Variants in ALDH7A1 observed in about 807,000 individuals in gnomAD.
ALDH7A1 encodes alpha-aminoadipic semialdehyde dehydrogenase.
A neutral mutation model predicts 79.9 loss-of-function variants in ALDH7A1; 63 were observed. The observed-to-expected ratio is 0.79, with a 90% CI of 0.64 to 0.97. ALDH7A1 has a LOEUF of 0.97. Among genes scored for constraint, ALDH7A1 ranks in the 50% least tolerant of loss-of-function variants. The pLI is 0.00. For missense variants in ALDH7A1, 627 were observed against 665.2 expected (o/e 0.94, Z 0.63); for synonymous variants, 240 against 231.2 (o/e 1.04, Z -0.34).
intron 1 of ALDH7A1, chr5:126,594,207 C>G (rs1454341686): frequency 4.2e-6 from 2 of 471,074 alleles, no homozygotes; most frequent in South Asian, 1.5e-5. Flanking sequence ...ATCCAGTCCT[C>G]AAAGGAGTTC....
chr5:126,546,269 A>C, intron 17 of ALDH7A1, 55 bp downstream of exon 17: 1 of 1,497,328 alleles, frequency 6.7e-7, no homozygotes, highest in South Asian at 1.1e-5. Flanking sequence ...AAAGTGTAAA[A>C]GCCCATTCCC....
At chr5:126,591,085 A>C (rs1457911762) in intron 3 of ALDH7A1, among the ~76,000 whole-genome samples, 1 of 152,148 alleles carries the variant, frequency 6.6e-6, no homozygotes, top group Non-Finnish European at 1.5e-5. Flanking sequence ...TAAGGGGACT[A>C]AATTTGTTTA....
Position 126,595,204 on chromosome 5 carries a change from G to A in ALDH7A1, c.-6C>T. ...GCGCGAGGAAGGCGCCACATACTGAGCCCGGGACTCGGGATGAGCCCAAGG... is the reference window on the plus strand; with the variant it reads ...GCGCGAGGAAGGCGCCACATACTGAACCCGGGACTCGGGATGAGCCCAAGG... On this transcript the variant is annotated 5_prime_UTR_variant, in exon 1 of 18. Transcript: ENST00000409134. 7 of 1,551,834 alleles carry A rather than the reference G, an allele frequency of 4.5e-6. No individual in the cohort carries two copies. Among genetic ancestry groups the A allele is most frequent in the Non-Finnish European group, 6.1e-6 (7 of 1,147,046 alleles).
Position 126,555,661 on chromosome 5 carries a change from C to T in ALDH7A1, c.1093+270G>A, listed in dbSNP as rs77057701. Among the ~76,000 whole-genome samples, 774 of 152,124 alleles carry T rather than the reference C, an allele frequency of 5.1e-3. 10 individuals are homozygous for T. The highest frequency in any genetic ancestry group is 0.021 in the South Asian group (102 of 4,812). On this transcript the variant is annotated intron_variant, in intron 12 of 17. Coordinates refer to ENST00000409134, the MANE Select transcript of ALDH7A1 (RefSeq NM_001182.5). Reference sequence around the variant, plus strand: ...CAGCCTTGCACAAGAGGGATGGTGTCGGCTTGGACAAGGGTAATAGTAATG... The same window carrying T: ...CAGCCTTGCACAAGAGGGATGGTGTTGGCTTGGACAAGGGTAATAGTAATG...
In ALDH7A1 at chr5:126,542,182, T is replaced by C. The variant is rs148309568; in HGVS notation, c.*2783A>G. 5.1e-4 allele frequency: 73 copies of C among 142,920 alleles called. No individual in the cohort carries two copies. The highest frequency in any genetic ancestry group is 1.8e-3 in the African/African-American group (70 of 38,980). 8.9% of individuals were successfully genotyped at this position (142,920 alleles called of 1,614,324 possible). On this transcript the variant is annotated 3_prime_UTR_variant, in exon 18 of 18. Transcript: ENST00000409134. ...AAAAAAAAAAGTTTGTTGGAGACCA[T>C]AGGAATTTCATAAAAATATTGAAAC... is the stretch of plus-strand genomic sequence containing the variant.
intron 3 of ALDH7A1, chr5:126,588,973 G>T (rs4836278): frequency 0.099 from 15,069 of 152,144 alleles, 1,015 homozygotes; most frequent in East Asian, 0.32. Context: ...AGCCCAGGAG[G>T]TCAAAGCTGC....
intron 6 of ALDH7A1, 75 bp downstream of exon 6, chr5:126,577,004 G>C: frequency 6.3e-7 from 1 of 1,587,462 alleles, no homozygotes; most frequent in Non-Finnish European, 8.6e-7. Flanking sequence ...AGTTACTGAA[G>C]AGGCTGAGGT....
At position 126,542,040 on chromosome 5, in the gene ALDH7A1, GA is replaced by G. The variant is rs1338220852; in HGVS notation, c.*2924del. On this transcript the variant is annotated 3_prime_UTR_variant, in exon 18 of 18. Transcript: ENST00000409134. ...GAATCCTATATTCAATCAATATGGG[GA>G]TAAAGTTCTTCCCCTTGGATAGGAG... 1 of 150,586 alleles carries G rather than the reference GA, an allele frequency of 6.6e-6. No individual in the cohort carries two copies. Among genetic ancestry groups the G allele is most frequent in the Non-Finnish European group, 1.5e-5 (1 of 67,846 alleles). 9.3% of individuals were successfully genotyped at this position (150,586 alleles called of 1,614,324 possible).
intron 5 of ALDH7A1, chr5:126,582,025 C>A: frequency 2.5e-6 from 1 of 397,674 alleles, no homozygotes; most frequent in South Asian, 1.3e-4. Context: ...TGTACGTGCT[C>A]TAAAAAGATA....
At chr5:126,580,339 C>G (rs374379824) in intron 5 of ALDH7A1, among the ~76,000 whole-genome samples, 4 of 152,082 alleles carry the variant, frequency 2.6e-5, no homozygotes, top group African/African-American at 9.6e-5. Flanking sequence ...TTAAGTGATC[C>G]GCCCACCTCT....
intron 11 of ALDH7A1, among the ~76,000 whole-genome samples, chr5:126,557,918 A>G (rs1018931262): frequency 5.3e-5 from 8 of 152,072 alleles, no homozygotes; most frequent in Admixed American, 2.0e-4. Context: ...CTGTAATCCC[A>G]GCACTTTGCA....
chr5:126,568,567 A>G (rs949562109), intron 8 of ALDH7A1: 16 of 567,554 alleles, frequency 2.8e-5, no homozygotes, highest in Non-Finnish European at 5.1e-5. Context: ...ACCTGCTGTG[A>G]GCATTTGAAT....
At position 126,559,237 on chromosome 5, in the gene ALDH7A1, C is replaced by T. The variant is rs1274408006; in HGVS notation, c.1008+3G>A. On this transcript the variant is annotated splice_donor_region_variant and intron_variant, in intron 11 of 17. Coordinates refer to ENST00000409134, the MANE Select transcript of ALDH7A1 (RefSeq NM_001182.5). The stretch of plus-strand genomic sequence containing the variant: ...ACAATCGGGCCTATGCAGATATACT[C>T]ACCAGTCGCCTCGCAGTGGTACACC... 3 of 1,613,098 alleles carry T rather than the reference C, an allele frequency of 1.9e-6. No homozygotes were observed. Among genetic ancestry groups the T allele is most frequent in the Non-Finnish European group, 2.5e-6 (3 of 1,179,252 alleles).
At chr5:126,551,975 TATC>T (rs766138477) in intron 14 of ALDH7A1, 43 bp downstream of exon 14, 24 of 1,430,802 alleles carry the variant, frequency 1.7e-5, no homozygotes, top group Non-Finnish European at 1.5e-5. Context: ...ATTTTCCTCT[TATC>T]ATTTATTTCA....
At chr5:126,589,960 T>C (rs1282300354) in intron 3 of ALDH7A1, among the ~76,000 whole-genome samples, 10 of 99,352 alleles carry the variant, frequency 1.0e-4, no homozygotes, top group Middle Eastern at 0.011. Context: ...GCCCAGCTGC[T>C]GCCCCATCTG....
intron 10 of ALDH7A1, among the ~76,000 whole-genome samples, 197 bp from the exon 11 acceptor site, chr5:126,559,531 G>C (rs928661039): frequency 6.0e-5 from 9 of 151,034 alleles, no homozygotes; most frequent in Non-Finnish European, 8.8e-5. Context: ...TGCCTCCCGG[G>C]TTCAAGAGAT....
intron 3 of ALDH7A1, among the ~76,000 whole-genome samples, chr5:126,589,323 A>T (rs1409583044): frequency 6.6e-6 from 1 of 151,660 alleles, no homozygotes; most frequent in Admixed American, 6.6e-5. Flanking sequence ...ATGCCTGGCT[A>T]ATTTTGTATT....
intron 5 of ALDH7A1, among the ~76,000 whole-genome samples, chr5:126,577,837 A>T (rs1751031378): frequency 6.7e-6 from 1 of 148,806 alleles, no homozygotes; most frequent in Admixed American, 6.7e-5. Context: ...AAGTGCTGGG[A>T]TTACAGGAGT....
At chr5:126,588,603 T>A (rs1279654796) in intron 3 of ALDH7A1, 2 of 152,184 alleles carry the variant, frequency 1.3e-5, no homozygotes, top group African/African-American at 4.8e-5. Context: ...AAAGACAACA[T>A]GTTAAGTTGC....
Sources: allele counts gnomAD v4.1 joint callset (sites outside exome capture counted in the v4.1 genomes callset), GRCh38; gene constraint gnomAD v4.1.1; transcripts MANE v1.5; gene names NCBI Gene and HGNC (gene_info 2026-07-23, HGNC 2026-07-21).